Variants in USP47 observed in about 807,000 individuals in gnomAD.
The protein encoded by USP47 is ubiquitin carboxyl-terminal hydrolase 47.
USP47 carries 35 observed loss-of-function variants against 165.1 expected under a neutral mutation model. That is an observed-to-expected ratio of 0.21 (90% CI 0.16 to 0.28). The LOEUF is 0.28. Among genes scored for constraint, USP47 ranks in the 10% least tolerant of loss-of-function variants. USP47 has a pLI of 1.00. For missense variants in USP47, 1,277 were observed against 1,607.4 expected, an observed-to-expected ratio of 0.79 and a Z score of 3.52; for synonymous variants, 531 against 544.5, an observed-to-expected ratio of 0.98 and a Z score of 0.35.
intron 1 of USP47, among the ~76,000 whole-genome samples, chr11:11,862,813 TC>T (rs1192428853): frequency 2.0e-5 from 3 of 152,180 alleles, no homozygotes; most frequent in Non-Finnish European, 1.5e-5. Context: ...CACCTTGGCC[TC>T]CCAGATTATT....
At chr11:11,954,139 A>G (rs1383029260) in intron 25 of USP47, among the ~76,000 whole-genome samples, 2 of 152,058 alleles carry the variant, frequency 1.3e-5, no homozygotes, top group African/African-American at 4.8e-5. Flanking sequence ...AATTTTAGCT[A>G]CTCAGGAGGC....
intron 1 of USP47, among the ~76,000 whole-genome samples, chr11:11,863,542 G>A (rs1308556270): frequency 1.3e-5 from 2 of 152,052 alleles, no homozygotes; most frequent in East Asian, 3.9e-4. Context: ...TTTTAATACA[G>A]AAAGTAAATT....
chr11:11,922,949 T>C, intron 11 of USP47, 58 bp downstream of exon 11: 2 of 1,508,418 alleles, frequency 1.3e-6, no homozygotes, highest in Middle Eastern at 1.8e-4. Context: ...TGACTTCCTA[T>C]ATAATTCTAT....
intron 8 of USP47, among the ~76,000 whole-genome samples, chr11:11,915,791 A>G (rs1459635147): frequency 2.0e-5 from 3 of 152,322 alleles, no homozygotes; most frequent in South Asian, 2.1e-4. Context: ...TAAGGAAAAC[A>G]TCATGTTCCT....
intron 4 of USP47, among the ~76,000 whole-genome samples, chr11:11,892,601 G>A (rs774947818): frequency 4.6e-5 from 7 of 150,634 alleles, no homozygotes; most frequent in Non-Finnish European, 8.9e-5. Context: ...GCTTGAGCCC[G>A]GGAGTTGGAG....
chr11:11,931,458 T>G (rs1336457555), intron 14 of USP47, among the ~76,000 whole-genome samples: 3 of 152,142 alleles, frequency 2.0e-5, no homozygotes, highest in Non-Finnish European at 4.4e-5. Flanking sequence ...GAACAGAGAT[T>G]TAAGAGCAGA....
At chr11:11,885,032 A>T (rs1851064299) in intron 3 of USP47, among the ~76,000 whole-genome samples, 2 of 152,154 alleles carry the variant, frequency 1.3e-5, no homozygotes, top group African/African-American at 4.8e-5. Context: ...CTTTTTTGGA[A>T]TGACTGGTGT....
intron 18 of USP47, among the ~76,000 whole-genome samples, chr11:11,938,711 C>T (rs1855253098): frequency 6.6e-6 from 1 of 151,884 alleles, no homozygotes; most frequent in Non-Finnish European, 1.5e-5. Context: ...TTTTTGTTTT[C>T]GTCATTTTTA....
At chr11:11,910,352 A>G (rs1209757728) in intron 8 of USP47, among the ~76,000 whole-genome samples, 1 of 152,186 alleles carries the variant, frequency 6.6e-6, no homozygotes, top group African/African-American at 2.4e-5. Context: ...CAATGGGTAC[A>G]GACTGAAAAA....
Position 11,957,376 on chromosome 11 carries a change from G to T in USP47, c.*1201G>T, listed in dbSNP as rs1433662885. 6.6e-6 allele frequency: 1 copy of T among 152,286 alleles called. No individual in the cohort carries two copies. The highest frequency in any genetic ancestry group is 1.5e-5 in the Non-Finnish European group (1 of 68,014). The allele number at this position is 152,286 out of a possible 1,614,324, so 9.4% of individuals were successfully genotyped here. ...CAAGTTTTTGCTTTGCTAAATAAAA[G>T]TACTCAATGAACACAATTCTACATA... is the stretch of plus-strand genomic sequence containing the variant. On this transcript the variant is annotated 3_prime_UTR_variant, in exon 28 of 28. Coordinates refer to ENST00000527733, the MANE Select transcript of USP47 (RefSeq NM_001282659.2).
At chr11:11,905,883 T>C (rs1852525932) in intron 8 of USP47, among the ~76,000 whole-genome samples, 1 of 152,138 alleles carries the variant, frequency 6.6e-6, no homozygotes, top group African/African-American at 2.4e-5. Flanking sequence ...GTGACCACTT[T>C]TTGCACTGGA....
At chr11:11,927,672 C>T (rs930510441) in intron 11 of USP47, among the ~76,000 whole-genome samples, 2 of 152,030 alleles carry the variant, frequency 1.3e-5, no homozygotes, top group East Asian at 1.9e-4. Context: ...TTCTGTTCTA[C>T]GCAGATCTAG....
chr11:11,904,282 G>A (rs1300182799), intron 7 of USP47, among the ~76,000 whole-genome samples: 4 of 152,142 alleles, frequency 2.6e-5, no homozygotes, highest in African/African-American at 4.8e-5. Context: ...TATGACTGAC[G>A]CTGATGAATG....
At position 11,894,368 on chromosome 11, in the gene USP47, A is replaced by G. The variant is rs184812602; in HGVS notation, c.496+2262A>G. ...CTACTCGGGAGGCTGAGGCAGGAGA[A>G]TCGCTTGAACCCAGGAGGTGGTTGC... On this transcript the variant is annotated intron_variant, in intron 4 of 27. Coordinates refer to ENST00000527733, the MANE Select transcript of USP47 (RefSeq NM_001282659.2). Among the ~76,000 whole-genome samples the G allele has an allele frequency of 5.0e-3, 759 of 152,236 alleles. 10 individuals carry two copies. The highest frequency in any genetic ancestry group is 0.018 in the African/African-American group (728 of 41,538).
At chr11:11,953,016 A>G (rs1430689868) in intron 25 of USP47, 145 bp downstream of exon 25, 1 of 615,624 alleles carries the variant, frequency 1.6e-6, no homozygotes, top group Non-Finnish European at 2.1e-6. Context: ...TGGTGCAGCA[A>G]CCTTTCTTTT....
chr11:11,871,330 C>T (rs762165572), intron 1 of USP47, among the ~76,000 whole-genome samples: 6 of 151,414 alleles, frequency 4.0e-5, no homozygotes, highest in South Asian at 2.1e-4. Context: ...GGTGAAACCC[C>T]GTCTCTACTA....
intron 5 of USP47, among the ~76,000 whole-genome samples, chr11:11,898,419 A>C (rs1851984539): frequency 6.6e-6 from 1 of 151,594 alleles, no homozygotes; most frequent in African/African-American, 2.4e-5. Context: ...GTAAATATGT[A>C]TTTAGGTTAT....
chr11:11,932,809 A>G (rs780795598), intron 14 of USP47, among the ~76,000 whole-genome samples, 195 bp from the exon 15 acceptor site: 1 of 152,302 alleles, frequency 6.6e-6, no homozygotes, highest in East Asian at 1.9e-4. Flanking sequence ...GGACCTAACC[A>G]TGTGTCCCTG....
intron 8 of USP47, among the ~76,000 whole-genome samples, chr11:11,917,974 G>A (rs904600067): frequency 5.3e-5 from 8 of 152,092 alleles, no homozygotes; most frequent in African/African-American, 1.9e-4. Flanking sequence ...ATTTGGTAAG[G>A]CTCAGGATTT....
Sources: allele counts gnomAD v4.1 joint callset (sites outside exome capture counted in the v4.1 genomes callset), GRCh38; gene constraint gnomAD v4.1.1; transcripts MANE v1.5; gene names NCBI Gene and HGNC (gene_info 2026-07-23, HGNC 2026-07-21).